The following SORCS1 variants were observed in gnomAD, a reference collection of about 807,000 sequenced individuals.
SORCS1 encodes the protein sortilin related VPS10 domain containing receptor 1.
A neutral mutation model predicts 146.1 loss-of-function variants in SORCS1; 60 were observed. The ratio of observed to expected loss-of-function variants is 0.41; its 90% CI spans 0.33 to 0.51. The LOEUF is 0.51. SORCS1 is among the 20% of genes least tolerant of loss of function. The pLI, the probability that SORCS1 is intolerant of heterozygous loss-of-function variation, is 0.21. For missense variants in SORCS1, 1,352 were observed against 1,487.6 expected, an observed-to-expected ratio of 0.91 and a Z score of 1.50; for synonymous variants, 637 against 584.0, an observed-to-expected ratio of 1.09 and a Z score of -1.31.
Position 106,760,442 on chromosome 10 carries a change from C to CAAA in SORCS1, c.959+1143_959+1145dup, listed in dbSNP as rs34324078. Among the ~76,000 whole-genome samples, 217 of 45,492 alleles carry CAAA rather than the reference C, an allele frequency of 4.8e-3. 4 individuals are homozygous for CAAA. The highest frequency in any genetic ancestry group is 0.015 in the Middle Eastern group (1 of 68). The allele number at this position is 45,492 out of a possible 152,430, so 29.8% of individuals were successfully genotyped here. On this transcript the variant is annotated intron_variant, in intron 5 of 25. Transcript: ENST00000263054. ...CTGGTGACAGAGTGAGACTCCGTCT[C>CAAA]AAAAAAAAAAAAAAAAAAAAAAAGA...
chr10:107,098,011 A>G (rs891870528), intron 1 of SORCS1, among the ~76,000 whole-genome samples: 9 of 152,188 alleles, frequency 5.9e-5, no homozygotes, highest in African/African-American at 2.2e-4. Flanking sequence ...TCTTACTTAT[A>G]AAACAGTTAT....
chr10:107,062,676 T>C (rs1961334965), intron 1 of SORCS1, among the ~76,000 whole-genome samples: 1 of 152,152 alleles, frequency 6.6e-6, no homozygotes, highest in South Asian at 2.1e-4. Context: ...AGAATGCAAC[T>C]GCTCTATTGT....
intron 1 of SORCS1, among the ~76,000 whole-genome samples, chr10:107,131,430 C>T (rs528136331): frequency 7.9e-5 from 12 of 152,318 alleles, no homozygotes; most frequent in East Asian, 1.9e-4. Context: ...GGATGAAAGC[C>T]TCTCTCTTTT....
intron 1 of SORCS1, among the ~76,000 whole-genome samples, chr10:107,117,453 C>A (rs1038022712): frequency 1.3e-5 from 2 of 152,140 alleles, no homozygotes; most frequent in African/African-American, 4.8e-5. Flanking sequence ...AGCCTCTTCT[C>A]AAAGCTGTGA....
At chr10:107,061,103 T>C (rs1056008625) in intron 1 of SORCS1, among the ~76,000 whole-genome samples, 2 of 152,174 alleles carry the variant, frequency 1.3e-5, no homozygotes, top group Non-Finnish European at 2.9e-5. Context: ...TAAAGAAAAT[T>C]AGACATAAAA....
chr10:106,703,517 T>TTA (rs1304055418), intron 8 of SORCS1, among the ~76,000 whole-genome samples: 1 of 152,244 alleles, frequency 6.6e-6, no homozygotes, highest in Non-Finnish European at 1.5e-5. Context: ...GAGGGCCACA[T>TTA]GCTCTTAATG....
intron 5 of SORCS1, among the ~76,000 whole-genome samples, chr10:106,745,516 G>A (rs1347277489): frequency 2.6e-5 from 4 of 152,158 alleles, no homozygotes; most frequent in African/African-American, 9.7e-5. Context: ...AATAATTGCT[G>A]TAGGCAAGAT....
intron 1 of SORCS1, among the ~76,000 whole-genome samples, chr10:107,157,160 G>A (rs932366195): frequency 2.0e-5 from 3 of 152,064 alleles, no homozygotes; most frequent in African/African-American, 4.8e-5. Context: ...ACAAGGCTAG[G>A]GTGCAGCTGT....
chr10:106,609,283 G>A (rs1441741305), intron 22 of SORCS1, among the ~76,000 whole-genome samples: 2 of 152,152 alleles, frequency 1.3e-5, no homozygotes, highest in Non-Finnish European at 2.9e-5. Context: ...CAGAGATTGT[G>A]CCTGAATAAT....
chr10:106,705,173 A>G (rs949446877), intron 8 of SORCS1, among the ~76,000 whole-genome samples: 2 of 152,238 alleles, frequency 1.3e-5, no homozygotes, highest in Non-Finnish European at 1.5e-5. Context: ...AGACATACAT[A>G]CAGTTCTGGA....
At chr10:106,879,672 G>A (rs755157765) in intron 2 of SORCS1, among the ~76,000 whole-genome samples, 9 of 152,228 alleles carry the variant, frequency 5.9e-5, no homozygotes, top group Non-Finnish European at 1.0e-4. Context: ...GAGAAGGACA[G>A]CCCCTGCCAT....
intron 2 of SORCS1, among the ~76,000 whole-genome samples, chr10:106,884,909 C>T (rs1462808786): frequency 6.6e-6 from 1 of 152,156 alleles, no homozygotes; most frequent in Non-Finnish European, 1.5e-5. Flanking sequence ...ATGTGAACAT[C>T]TATTACTAGG....
chr10:106,786,777 A>G (rs1482192547), intron 3 of SORCS1, among the ~76,000 whole-genome samples: 1 of 152,228 alleles, frequency 6.6e-6, no homozygotes, highest in Non-Finnish European at 1.5e-5. Flanking sequence ...TAGATATGAT[A>G]AAAAGTTGTA....
In SORCS1 at chr10:106,652,457, C is replaced by T. The variant is rs61734238; in HGVS notation, c.2400G>A (p.Leu800=). 1.6e-3 allele frequency: 2,553 copies of T among 1,614,138 alleles called. 32 individuals are homozygous for T. In the African/African-American group the frequency reaches 0.026, roughly 16 times the overall value. Residue 800 remains leucine (L), a synonymous_variant, in exon 18 of 26, where the codon CTG becomes CTA. Coordinates refer to ENST00000263054, the MANE Select transcript of SORCS1 (RefSeq NM_052918.5). ...QKCPGKAPRG[L]RIVTADGKLT... The stretch of plus-strand genomic sequence containing the variant: ...GCTTTCCATCAGCCGTGACTATCCG[C>T]AGCCCCCGCGGGGCTTTCCCTGGGC...
At chr10:106,968,135 A>G (rs532605140) in intron 1 of SORCS1, among the ~76,000 whole-genome samples, 5 of 151,986 alleles carry the variant, frequency 3.3e-5, no homozygotes, top group African/African-American at 7.2e-5. Context: ...GCGTGAACCC[A>G]GGAGGCGGAG....
chr10:107,136,793 C>A (rs1435740742), intron 1 of SORCS1, among the ~76,000 whole-genome samples: 1 of 152,064 alleles, frequency 6.6e-6, no homozygotes, highest in Admixed American at 6.5e-5. Context: ...ATGTGATCTC[C>A]GGTTTCACAT....
At position 107,016,408 on chromosome 10, in the gene SORCS1, G is replaced by A. The variant is rs970290202; in HGVS notation, c.559-59828C>T. Among the ~76,000 whole-genome samples the A allele has an allele frequency of 2.0e-5, 3 of 152,176 alleles. No individual in the cohort carries two copies. The East Asian group carries it at 5.8e-4, about 29-fold the overall frequency. On this transcript the variant is annotated intron_variant, in intron 1 of 25. Transcript: ENST00000263054. ...AATCCCAACTATTCGGGGATGCTGAGGCATGAGAATCACTTGAAGCTGGGA... is the reference window on the plus strand; with the variant it reads ...AATCCCAACTATTCGGGGATGCTGAAGCATGAGAATCACTTGAAGCTGGGA...
chr10:106,851,666 T>C (rs141349792), intron 2 of SORCS1, among the ~76,000 whole-genome samples: 2 of 152,346 alleles, frequency 1.3e-5, no homozygotes, highest in Non-Finnish European at 2.9e-5. Flanking sequence ...CTTCCCTTAC[T>C]ACTCAGTTGA....
chr10:106,950,046 A>T (rs545128938), intron 2 of SORCS1, among the ~76,000 whole-genome samples: 1 of 152,348 alleles, frequency 6.6e-6, no homozygotes, highest in East Asian at 1.9e-4. Context: ...TACCAATATG[A>T]TAAAACCACC....
Sources: gnomAD v4.1 joint callset for allele counts (sites outside exome capture counted in the v4.1 genomes callset) on GRCh38, gnomAD v4.1.1 for gene constraint, MANE v1.5 for transcripts, NCBI Gene and HGNC (gene_info 2026-07-23, HGNC 2026-07-21) for gene names.